The following FGF10 variants were observed in gnomAD, a reference collection of about 807,000 sequenced individuals.
FGF10 encodes fibroblast growth factor 10, also known as FGF-10.
In FGF10, 2 loss-of-function variants were observed where a neutral mutation model predicts 19.8. That is an observed-to-expected ratio of 0.10 (90% confidence interval 0.04 to 0.32). The LOEUF is 0.32. Ranked by LOEUF, FGF10 falls within the 10% of genes least tolerant of loss-of-function variation. FGF10 has a pLI of 1.00. For missense variants in FGF10, 191 were observed against 246.3 expected, an observed-to-expected ratio of 0.78 and a Z score of 1.50; for synonymous variants, 112 against 94.0, an observed-to-expected ratio of 1.19 and a Z score of -1.10.
At chr5:44,350,600 GTA>G (rs530813865) in intron 1 of FGF10, among the ~76,000 whole-genome samples, 1 of 150,712 alleles carries the variant, frequency 6.6e-6, no homozygotes, top group African/African-American at 2.4e-5. Context: ...ATAGGTGTGT[GTA>G]TATATATAAT....
chr5:44,343,428 C>G (rs1464256171), intron 1 of FGF10, among the ~76,000 whole-genome samples: 2 of 151,942 alleles, frequency 1.3e-5, no homozygotes, highest in Non-Finnish European at 2.9e-5. Context: ...TCTCTGATAG[C>G]TAATTTTACA....
intron 1 of FGF10, among the ~76,000 whole-genome samples, chr5:44,320,088 C>T (rs758299107): frequency 2.6e-4 from 40 of 152,160 alleles, no homozygotes; most frequent in Non-Finnish European, 5.4e-4. Context: ...TTGCATGCTT[C>T]TTATGACAAT....
At chr5:44,328,451 C>A (rs10070458) in intron 1 of FGF10, among the ~76,000 whole-genome samples, 149,381 of 152,296 alleles carry the variant, frequency 0.98, 73,341 homozygotes, top group East Asian at 1. Context: ...ATGTATATTC[C>A]TAAAATACTT....
At chr5:44,329,426 C>T (rs1740683215) in intron 1 of FGF10, among the ~76,000 whole-genome samples, 2 of 152,096 alleles carry the variant, frequency 1.3e-5, no homozygotes, top group South Asian at 2.1e-4. Context: ...CCTCCCGCCT[C>T]GGCACCCCAA....
At chr5:44,337,237 A>G (rs888166037) in intron 1 of FGF10, among the ~76,000 whole-genome samples, 1 of 147,004 alleles carries the variant, frequency 6.8e-6, no homozygotes, top group Non-Finnish European at 1.5e-5. Context: ...ATAACACAAA[A>G]AGAAAGATAC....
intron 2 of FGF10, 107 bp from the exon 3 acceptor site, chr5:44,305,299 C>T: frequency 1.0e-6 from 1 of 960,668 alleles, no homozygotes; most frequent in Non-Finnish European, 1.7e-6. Context: ...TTGTAGTTGC[C>T]ATTTGTACCT....
chr5:44,382,376 A>G (rs1348438954), intron 1 of FGF10, among the ~76,000 whole-genome samples: 1 of 152,208 alleles, frequency 6.6e-6, no homozygotes, highest in Non-Finnish European at 1.5e-5. Flanking sequence ...TGTAAAATCT[A>G]TACAAATTAA....
chr5:44,357,208 A>T (rs774002096), intron 1 of FGF10, among the ~76,000 whole-genome samples: 1 of 151,460 alleles, frequency 6.6e-6, no homozygotes, highest in Admixed American at 6.6e-5. Context: ...GAAAAACTTA[A>T]TGTTAGACCA....
chr5:44,383,092 C>T (rs962273919), intron 1 of FGF10, among the ~76,000 whole-genome samples: 1 of 152,030 alleles, frequency 6.6e-6, no homozygotes, highest in East Asian at 1.9e-4. Flanking sequence ...TGTAGTTATT[C>T]ACAGGCAGCT....
At chr5:44,381,512 G>A (rs1241362303) in intron 1 of FGF10, among the ~76,000 whole-genome samples, 1 of 151,764 alleles carries the variant, frequency 6.6e-6, no homozygotes, top group Admixed American at 6.6e-5. Flanking sequence ...TGAAAATAAT[G>A]GAGTGAGGAA....
intron 1 of FGF10, among the ~76,000 whole-genome samples, chr5:44,367,694 A>G (rs184216327): frequency 1.3e-5 from 2 of 152,062 alleles, no homozygotes; most frequent in South Asian, 4.1e-4. Context: ...AGGCCTAAGC[A>G]TTCAATATCA....
chr5:44,344,251 G>T (rs1004234957), intron 1 of FGF10, among the ~76,000 whole-genome samples: 1 of 151,972 alleles, frequency 6.6e-6, no homozygotes, highest in Non-Finnish European at 1.5e-5. Context: ...GTACTTTAAT[G>T]CATCCCATTG....
At chr5:44,370,286 T>C (rs1401069575) in intron 1 of FGF10, among the ~76,000 whole-genome samples, 1 of 152,148 alleles carries the variant, frequency 6.6e-6, no homozygotes, top group East Asian at 1.9e-4. Flanking sequence ...GCACAACTCT[T>C]ATCTGTGGGC....
At chr5:44,358,798 C>G (rs775489735) in intron 1 of FGF10, among the ~76,000 whole-genome samples, 4 of 151,340 alleles carry the variant, frequency 2.6e-5, no homozygotes, top group Admixed American at 2.6e-4. Context: ...ATATTACCTC[C>G]GCACATCAGT....
intron 1 of FGF10, among the ~76,000 whole-genome samples, chr5:44,386,821 A>G (rs560548154): frequency 6.6e-6 from 1 of 152,336 alleles, no homozygotes; most frequent in African/African-American, 2.4e-5. Flanking sequence ...ACAGAAGTTA[A>G]TGTTGAATGT....
intron 1 of FGF10, among the ~76,000 whole-genome samples, chr5:44,349,090 T>C (rs1364663591): frequency 6.6e-6 from 1 of 151,338 alleles, no homozygotes; most frequent in African/African-American, 2.4e-5. Context: ...CTGTCCAGCT[T>C]AAATAATTTA....
chr5:44,368,393 A>G (rs1426999953), intron 1 of FGF10, among the ~76,000 whole-genome samples: 3 of 152,080 alleles, frequency 2.0e-5, no homozygotes, highest in African/African-American at 4.8e-5. Context: ...CATACAACAT[A>G]GCACCGCATA....
At chr5:44,353,558 TA>T (rs1561211900) in intron 1 of FGF10, among the ~76,000 whole-genome samples, 1 of 151,612 alleles carries the variant, frequency 6.6e-6, no homozygotes, top group Non-Finnish European at 1.5e-5. Flanking sequence ...TAATAAATTT[TA>T]AAAAGTAAAT....
intron 1 of FGF10, among the ~76,000 whole-genome samples, chr5:44,378,032 A>T (rs1480675368): frequency 6.6e-6 from 1 of 152,156 alleles, no homozygotes; most frequent in African/African-American, 2.4e-5. Flanking sequence ...ATACATAAGT[A>T]CTTAAGAGTA....
Sources: allele counts gnomAD v4.1 joint callset (sites outside exome capture counted in the v4.1 genomes callset), GRCh38; gene constraint gnomAD v4.1.1; transcripts MANE v1.5; gene names NCBI Gene and HGNC (gene_info 2026-07-23, HGNC 2026-07-21).